Variants in SLIT3 observed in about 807,000 individuals in gnomAD.
The protein encoded by SLIT3 is slit guidance ligand 3, also known as slit homolog 3 protein.
Under a neutral mutation model 184.0 loss-of-function variants are expected in SLIT3, and 68 were observed. The ratio of observed to expected loss-of-function variants is 0.37; its 90% CI spans 0.30 to 0.45. The LOEUF (loss-of-function observed/expected upper bound fraction) is 0.45. Ranked by LOEUF, SLIT3 falls within the 20% of genes least tolerant of loss-of-function variation. The pLI is 1.00. For missense variants in SLIT3, 1,707 were observed against 2,026.0 expected (o/e 0.84, Z 3.02); for synonymous variants, 831 against 828.6 (o/e 1.00, Z -0.05).
intron 3 of SLIT3, among the ~76,000 whole-genome samples, chr5:169,220,892 T>TAC (rs937599944): frequency 1.3e-5 from 2 of 152,166 alleles, no homozygotes; most frequent in Non-Finnish European, 2.9e-5. Context: ...ACAATCCTAC[T>TAC]ACCCCCCAAC....
chr5:168,996,849 G>A (rs1381496635), intron 4 of SLIT3, among the ~76,000 whole-genome samples: 1 of 152,200 alleles, frequency 6.6e-6, no homozygotes, highest in Non-Finnish European at 1.5e-5. Flanking sequence ...TGAGTCTCAG[G>A]CCTGTCTCAG....
At chr5:168,856,409 C>T (rs902249354) in intron 5 of SLIT3, among the ~76,000 whole-genome samples, 3 of 152,120 alleles carry the variant, frequency 2.0e-5, no homozygotes, top group African/African-American at 7.2e-5. Flanking sequence ...AGAAGAACTA[C>T]CTTGACATTG....
chr5:169,248,948 G>T (rs571089303), intron 2 of SLIT3, among the ~76,000 whole-genome samples: 1 of 152,256 alleles, frequency 6.6e-6, no homozygotes, highest in African/African-American at 2.4e-5. Context: ...ATCTGCTTTT[G>T]CCCATATTAA....
intron 5 of SLIT3, among the ~76,000 whole-genome samples, chr5:168,857,180 C>G (rs1229281428): frequency 6.6e-6 from 1 of 152,092 alleles, no homozygotes; most frequent in Non-Finnish European, 1.5e-5. Flanking sequence ...AGGTCCAGAG[C>G]TCTCCATTGC....
chr5:169,227,506 CA>C (rs1191828343), intron 3 of SLIT3, among the ~76,000 whole-genome samples: 1 of 152,202 alleles, frequency 6.6e-6, no homozygotes, highest in African/African-American at 2.4e-5. Flanking sequence ...TGGCTTACTG[CA>C]ACCTCCCCCT....
intron 3 of SLIT3, among the ~76,000 whole-genome samples, chr5:169,205,587 A>G (rs11740303): frequency 0.039 from 5,969 of 152,240 alleles, 180 homozygotes; most frequent in South Asian, 0.15. Context: ...TGGTTGGTTC[A>G]TCGGTTGGTT....
intron 26 of SLIT3, among the ~76,000 whole-genome samples, chr5:168,701,831 C>T (rs1183265759): frequency 6.6e-6 from 1 of 152,236 alleles, no homozygotes; most frequent in African/African-American, 2.4e-5. Flanking sequence ...ACACCACCTG[C>T]TCGCCATCTG....
intron 4 of SLIT3, among the ~76,000 whole-genome samples, chr5:169,192,939 T>C (rs297897): frequency 0.034 from 5,251 of 152,254 alleles, 329 homozygotes; most frequent in African/African-American, 0.12. Flanking sequence ...TTACCCTGGA[T>C]CTCTGAAGAG....
rs112126648 is a variant in SLIT3, at chr5:168,973,307, G to A, written c.414-89971C>T. 4.6e-3 allele frequency among the ~76,000 whole-genome samples: 705 copies of A among 152,276 alleles called. 5 individuals carry two copies. Among genetic ancestry groups the A allele is most frequent in the African/African-American group, 0.016 (649 of 41,542 alleles). On this transcript the variant is annotated intron_variant, in intron 4 of 35. Coordinates refer to ENST00000519560, the MANE Select transcript of SLIT3 (RefSeq NM_003062.4). ...TTTTTGCCCAGGCTGGAGTGCAGTG[G>A]TGCTATCTCGGCTCACTGCAACCTC...
At chr5:168,986,828 A>G (rs1755147586) in intron 4 of SLIT3, among the ~76,000 whole-genome samples, 1 of 152,210 alleles carries the variant, frequency 6.6e-6, no homozygotes, top group Non-Finnish European at 1.5e-5. Context: ...CACATTAATG[A>G]GATACATATA....
At chr5:168,733,812 AG>A (rs924579493) in intron 20 of SLIT3, among the ~76,000 whole-genome samples, 8 of 151,916 alleles carry the variant, frequency 5.3e-5, no homozygotes, top group East Asian at 3.9e-4. Flanking sequence ...AAAAAAAAAA[AG>A]AAAATGTGGA....
chr5:168,854,445 A>G, intron 5 of SLIT3, among the ~76,000 whole-genome samples: 1 of 152,094 alleles, frequency 6.6e-6, no homozygotes. Context: ...TTTGACTTTT[A>G]GGATCACTGG....
chr5:168,693,425 C>T (rs563061816), intron 28 of SLIT3, among the ~76,000 whole-genome samples: 3 of 152,206 alleles, frequency 2.0e-5, no homozygotes, highest in South Asian at 2.1e-4. Context: ...AAATACCTAA[C>T]GGTCATAAAC....
intron 4 of SLIT3, among the ~76,000 whole-genome samples, chr5:169,107,177 G>A (rs1240782549): frequency 1.3e-5 from 2 of 152,218 alleles, no homozygotes; most frequent in African/African-American, 2.4e-5. Context: ...GCTCCTGGCT[G>A]CTAGCAGAAA....
At chr5:169,117,760 G>A (rs1423073483) in intron 4 of SLIT3, among the ~76,000 whole-genome samples, 1 of 152,186 alleles carries the variant, frequency 6.6e-6, no homozygotes, top group Admixed American at 6.5e-5. Flanking sequence ...ATTCTCAAAA[G>A]GAGAACTCTG....
At chr5:168,787,476 C>T (rs987283703) in intron 11 of SLIT3, among the ~76,000 whole-genome samples, 8 of 152,200 alleles carry the variant, frequency 5.3e-5, no homozygotes, top group Non-Finnish European at 5.9e-5. Context: ...TGACTACCTT[C>T]TTCTTGCCTT....
chr5:169,296,004 G>T (rs1307855387), intron 1 of SLIT3, among the ~76,000 whole-genome samples: 1 of 152,150 alleles, frequency 6.6e-6, no homozygotes, highest in Non-Finnish European at 1.5e-5. Context: ...GCAATGCCTG[G>T]CAACCAGACT....
chr5:168,950,515 C>T (rs1762615994), intron 4 of SLIT3, among the ~76,000 whole-genome samples: 1 of 152,216 alleles, frequency 6.6e-6, no homozygotes, highest in Non-Finnish European at 1.5e-5. Flanking sequence ...TCTGTTGCCA[C>T]TCAATTCTGT....
At chr5:168,816,174 A>C (rs902150204) in intron 8 of SLIT3, among the ~76,000 whole-genome samples, 2 of 151,894 alleles carry the variant, frequency 1.3e-5, no homozygotes, top group Non-Finnish European at 2.9e-5. Flanking sequence ...AAAATTTGGG[A>C]CCCTGGTTCT....
Sources: gnomAD v4.1 joint callset for allele counts (sites outside exome capture counted in the v4.1 genomes callset) on GRCh38, gnomAD v4.1.1 for gene constraint, MANE v1.5 for transcripts, NCBI Gene and HGNC (gene_info 2026-07-23, HGNC 2026-07-21) for gene names.